Variants in KCNIP4 observed in about 807,000 individuals in gnomAD.
KCNIP4 encodes potassium voltage-gated channel interacting protein 4, also known as Kv channel-interacting protein 4.
KCNIP4 carries 12 observed loss-of-function variants against 34.0 expected under a neutral mutation model. The observed-to-expected ratio is 0.35, with a 90% CI of 0.23 to 0.57. The LOEUF (loss-of-function observed/expected upper bound fraction) is 0.57, where lower values mean the gene tolerates loss of function less well. Ranked by LOEUF, KCNIP4 falls within the 20% of genes least tolerant of loss-of-function variation. The probability of loss-of-function intolerance (pLI) is 0.83; values close to 1 mark genes in which losing one functional copy is unlikely to be tolerated. For synonymous variants in KCNIP4, 124 were observed against 102.2 expected, an observed-to-expected ratio of 1.21 and a Z score of -1.29; for missense variants, 238 against 311.7, an observed-to-expected ratio of 0.76 and a Z score of 1.78.
intron 1 of KCNIP4, among the ~76,000 whole-genome samples, chr4:21,212,747 T>C (rs1757309771): frequency 1.3e-5 from 2 of 152,074 alleles, no homozygotes; most frequent in African/African-American, 2.4e-5. Context: ...AAGTCACTAA[T>C]CCCATTCATG....
At chr4:21,728,240 C>A (rs1715337555) in intron 1 of KCNIP4, among the ~76,000 whole-genome samples, 2 of 152,158 alleles carry the variant, frequency 1.3e-5, no homozygotes, top group South Asian at 4.1e-4. Flanking sequence ...CTCCAAATCT[C>A]CTTTCCTCAA....
At chr4:21,910,856 T>C (rs1214082519) in intron 1 of KCNIP4, among the ~76,000 whole-genome samples, 2 of 152,174 alleles carry the variant, frequency 1.3e-5, no homozygotes, top group Non-Finnish European at 2.9e-5. Context: ...GATCATTTGT[T>C]AAGTGATTAG....
chr4:20,785,805 A>G (rs1416911661), intron 3 of KCNIP4, among the ~76,000 whole-genome samples: 1 of 152,146 alleles, frequency 6.6e-6, no homozygotes, highest in Non-Finnish European at 1.5e-5. Context: ...TCCCCAATCT[A>G]TAAAACTCCT....
chr4:21,876,241 C>T (rs1037499533), intron 1 of KCNIP4, among the ~76,000 whole-genome samples: 1 of 152,086 alleles, frequency 6.6e-6, no homozygotes, highest in Admixed American at 6.5e-5. Flanking sequence ...ATATCTGTAA[C>T]AACTGCAATG....
chr4:21,527,884 G>A (rs1326369795), intron 1 of KCNIP4, among the ~76,000 whole-genome samples: 4 of 152,010 alleles, frequency 2.6e-5, no homozygotes, highest in African/African-American at 7.3e-5. Flanking sequence ...CACAGGGTCC[G>A]GTCATCACCT....
At chr4:21,247,954 C>T (rs1456808188) in intron 1 of KCNIP4, among the ~76,000 whole-genome samples, 1 of 131,382 alleles carries the variant, frequency 7.6e-6, no homozygotes, top group African/African-American at 3.1e-5. Context: ...TATACACACA[C>T]ATATATATAT....
intron 1 of KCNIP4, among the ~76,000 whole-genome samples, chr4:21,778,492 G>C (rs2109207228): frequency 6.6e-6 from 1 of 152,072 alleles, no homozygotes; most frequent in African/African-American, 2.4e-5. Flanking sequence ...GCCTCCCAAA[G>C]TGCTGAGATT....
At chr4:21,706,482 A>G (rs1713275987) in intron 1 of KCNIP4, among the ~76,000 whole-genome samples, 1 of 152,128 alleles carries the variant, frequency 6.6e-6, no homozygotes, top group Admixed American at 6.6e-5. Flanking sequence ...GACTCATTTC[A>G]AGATATATTT....
intron 2 of KCNIP4, among the ~76,000 whole-genome samples, chr4:20,864,128 A>G (rs1447221332): frequency 0.043 from 5,782 of 133,126 alleles, 320 homozygotes; most frequent in Non-Finnish European, 0.069. Context: ...CCATGTATAC[A>G]CATGTATGTA....
intron 2 of KCNIP4, among the ~76,000 whole-genome samples, chr4:20,869,961 G>A (rs1284280425): frequency 2.6e-5 from 4 of 152,068 alleles, no homozygotes; most frequent in African/African-American, 9.7e-5. Flanking sequence ...TCAGGAGGTT[G>A]AAATAAAATA....
At chr4:21,319,086 A>G (rs556643717) in intron 1 of KCNIP4, among the ~76,000 whole-genome samples, 1 of 152,188 alleles carries the variant, frequency 6.6e-6, no homozygotes, top group Non-Finnish European at 1.5e-5. Flanking sequence ...ATGCGCTAAA[A>G]TACATTCAAC....
chr4:21,255,800 G>A (rs984394893), intron 1 of KCNIP4, among the ~76,000 whole-genome samples: 3 of 152,080 alleles, frequency 2.0e-5, no homozygotes, highest in Admixed American at 6.6e-5. Context: ...ACATTGACGC[G>A]GTCCCCAATG....
At chr4:21,091,180 C>T (rs867419985) in intron 1 of KCNIP4, among the ~76,000 whole-genome samples, 2 of 152,164 alleles carry the variant, frequency 1.3e-5, no homozygotes, top group Non-Finnish European at 2.9e-5. Context: ...ATTCATGTGT[C>T]TCTTCATTCA....
At chr4:21,291,868 AAAGAAAGAAAG>A (rs1327156885) in intron 1 of KCNIP4, among the ~76,000 whole-genome samples, 1,733 of 19,528 alleles carry the variant, frequency 0.089, 161 homozygotes, top group Admixed American at 0.14. Context: ...AAAAAAAAAA[AAAGAAAGAAAG>A]AAAGAAAGAA....
At chr4:21,536,181 G>C (rs1308477321) in intron 1 of KCNIP4, among the ~76,000 whole-genome samples, 2 of 152,102 alleles carry the variant, frequency 1.3e-5, no homozygotes, top group Non-Finnish European at 2.9e-5. Context: ...GAGAAAACCA[G>C]GCCAACAGAG....
chr4:21,230,435 A>G lies in KCNIP4; in HGVS notation c.62-347726T>C, dbSNP rs1024369205. Among the ~76,000 whole-genome samples the G allele has an allele frequency of 1.7e-4, 26 of 152,262 alleles. No homozygotes were observed. The East Asian group carries it at 5.0e-3, about 29-fold the overall frequency. ...TGTGCAAGAGTGGTTTGCTGAACCT[A>G]TCAACCCATCACCTAGGAGTTAAGT... On this transcript the variant is annotated intron_variant, in intron 1 of 8. Coordinates refer to ENST00000382152, the MANE Select transcript of KCNIP4 (RefSeq NM_025221.6).
intron 1 of KCNIP4, among the ~76,000 whole-genome samples, chr4:21,073,314 A>T (rs956764969): frequency 6.6e-6 from 1 of 152,106 alleles, no homozygotes; most frequent in African/African-American, 2.4e-5. Context: ...ATCCTCTTCT[A>T]TTTCATTGAG....
At chr4:21,308,832 T>C (rs778914603) in intron 1 of KCNIP4, among the ~76,000 whole-genome samples, 67 of 152,074 alleles carry the variant, frequency 4.4e-4, no homozygotes, top group Non-Finnish European at 4.4e-4. Flanking sequence ...CTCACGTAAC[T>C]ACTGAGGAGG....
intron 1 of KCNIP4, among the ~76,000 whole-genome samples, chr4:21,275,167 C>G (rs1762370610): frequency 6.6e-6 from 1 of 152,124 alleles, no homozygotes; most frequent in East Asian, 1.9e-4. Flanking sequence ...AGCCTTTTAT[C>G]TTTAGAGATG....
Sources: allele counts gnomAD v4.1 joint callset (sites outside exome capture counted in the v4.1 genomes callset), GRCh38; gene constraint gnomAD v4.1.1; transcripts MANE v1.5; gene names NCBI Gene and HGNC (gene_info 2026-07-23, HGNC 2026-07-21).